Variants in SEMA6D observed in about 807,000 individuals in gnomAD.
SEMA6D encodes semaphorin 6D.
SEMA6D carries 35 observed loss-of-function variants against 106.6 expected under a neutral mutation model. That is an observed-to-expected ratio of 0.33 (90% confidence interval 0.25 to 0.44). The LOEUF is 0.44. Ranked by LOEUF, SEMA6D falls within the 20% of genes least tolerant of loss-of-function variation. The pLI is 1.00. For missense variants in SEMA6D, 1,185 were observed against 1,345.9 expected (o/e 0.88, Z 1.87); for synonymous variants, 499 against 487.7 (o/e 1.02, Z -0.31).
chr15:47,645,104 G>A (rs560229621), intron 4 of SEMA6D, among the ~76,000 whole-genome samples: 11 of 152,248 alleles, frequency 7.2e-5, no homozygotes, highest in East Asian at 1.9e-4. Flanking sequence ...GTGCCGGGGC[G>A]TCATCTGAGA....
At chr15:47,679,224 A>C (rs2084257047) in intron 4 of SEMA6D, among the ~76,000 whole-genome samples, 1 of 152,252 alleles carries the variant, frequency 6.6e-6, no homozygotes, top group Non-Finnish European at 1.5e-5. Flanking sequence ...ATTGAGAATC[A>C]GAAGACCCAG....
At chr15:47,740,843 C>T (rs758887843) in intron 1 of SEMA6D, among the ~76,000 whole-genome samples, 26 of 152,148 alleles carry the variant, frequency 1.7e-4, no homozygotes, top group Non-Finnish European at 1.5e-5. Context: ...GAAGAGGCCT[C>T]TGACCACTGG....
chr15:47,530,468 A>G (rs935126181), intron 3 of SEMA6D, among the ~76,000 whole-genome samples: 1 of 152,248 alleles, frequency 6.6e-6, no homozygotes, highest in Non-Finnish European at 1.5e-5. Flanking sequence ...GACCATTGTC[A>G]TATAAAATAT....
intron 3 of SEMA6D, among the ~76,000 whole-genome samples, chr15:47,541,073 A>C (rs985725142): frequency 6.6e-6 from 1 of 152,144 alleles, no homozygotes; most frequent in African/African-American, 2.4e-5. Context: ...GATGGGCACA[A>C]TACAGAGAGG....
chr15:47,448,633 C>T (rs7163186), intron 2 of SEMA6D, among the ~76,000 whole-genome samples: 39,074 of 152,060 alleles, frequency 0.26, 6,164 homozygotes, highest in East Asian at 0.51. Flanking sequence ...AGGTCCATGG[C>T]GACTCAGTCT....
At chr15:47,422,369 A>G (rs981810542) in intron 2 of SEMA6D, among the ~76,000 whole-genome samples, 1 of 152,072 alleles carries the variant, frequency 6.6e-6, no homozygotes, top group Non-Finnish European at 1.5e-5. Flanking sequence ...GTTAAAACAG[A>G]TAAGTTTCCA....
chr15:47,318,602 A>AT (rs1235862058), intron 1 of SEMA6D, among the ~76,000 whole-genome samples: 1 of 146,110 alleles, frequency 6.8e-6, no homozygotes, highest in East Asian at 2.0e-4. Context: ...TGAACTCATC[A>AT]TTTTTTATGG....
chr15:47,232,836 A>G (rs991934020), intron 1 of SEMA6D, among the ~76,000 whole-genome samples: 1 of 151,876 alleles, frequency 6.6e-6, no homozygotes, highest in African/African-American at 2.4e-5. Flanking sequence ...GTCCTAGACC[A>G]TCATCAGATA....
rs538706679 is a variant in SEMA6D at position 47,526,760 on chromosome 15, G to A, written c.-87+56215G>A. On this transcript the variant is annotated intron_variant, in intron 3 of 19. Transcript: ENST00000558014. ...TTATTATTTTTTTTTTTTCTGAGAC[G>A]GAGTCTCGCACTGTCACCTAGGCTG... is the stretch of plus-strand genomic sequence containing the variant. 7.3e-5 allele frequency among the ~76,000 whole-genome samples: 11 copies of A among 151,620 alleles called. No homozygotes were observed. The East Asian group carries it at 7.7e-4, about 11-fold the overall frequency.
intron 4 of SEMA6D, among the ~76,000 whole-genome samples, chr15:47,605,634 C>G (rs144730742): frequency 6.6e-6 from 1 of 152,294 alleles, no homozygotes; most frequent in Non-Finnish European, 1.5e-5. Context: ...TCCCCGATCC[C>G]CACCAGGCAG....
chr15:47,277,584 T>A (rs987276333), intron 1 of SEMA6D, among the ~76,000 whole-genome samples: 1 of 11,356 alleles, frequency 8.8e-5, no homozygotes, highest in Non-Finnish European at 4.6e-4. Context: ...GTATGTATAT[T>A]ATTATTATTA....
intron 3 of SEMA6D, among the ~76,000 whole-genome samples, chr15:47,520,439 C>T (rs1168702976): frequency 2.0e-5 from 3 of 152,118 alleles, no homozygotes; most frequent in Non-Finnish European, 4.4e-5. Context: ...CATGAGAGAA[C>T]ATAAGATGGA....
At chr15:47,466,732 T>A (rs973752673) in intron 2 of SEMA6D, among the ~76,000 whole-genome samples, 11 of 151,844 alleles carry the variant, frequency 7.2e-5, no homozygotes, top group Middle Eastern at 3.4e-3. Context: ...GTGTGGTTTT[T>A]TTTTTTTTTG....
chr15:47,198,103 C>T (rs1187318503), intron 1 of SEMA6D, among the ~76,000 whole-genome samples: 3 of 151,924 alleles, frequency 2.0e-5, no homozygotes, highest in African/African-American at 7.3e-5. Flanking sequence ...GTGTATATAC[C>T]TCATGATCTC....
Position 47,652,672 on chromosome 15 carries a change from G to A in SEMA6D, c.-55+51776G>A, listed in dbSNP as rs550087524. Among the ~76,000 whole-genome samples the A allele has an allele frequency of 7.2e-5, 11 of 152,260 alleles. No individual in the cohort carries two copies. The East Asian group carries it at 7.7e-4, about 11-fold the overall frequency. ...GGTGCTTGCCATTGCCCAGTGAGAC[G>A]TACAGATTTTACATGTGGCTTGTGC... is the stretch of plus-strand genomic sequence containing the variant. On this transcript the variant is annotated intron_variant, in intron 4 of 19. Transcript: ENST00000558014.
chr15:47,477,765 AT>A (rs1322251478), intron 3 of SEMA6D, among the ~76,000 whole-genome samples: 1 of 152,028 alleles, frequency 6.6e-6, no homozygotes, highest in East Asian at 1.9e-4. Context: ...AGTGTACTTC[AT>A]TGGTAAAGCT....
intron 1 of SEMA6D, among the ~76,000 whole-genome samples, chr15:47,256,828 C>T (rs1234759723): frequency 6.6e-6 from 1 of 151,780 alleles, no homozygotes; most frequent in Non-Finnish European, 1.5e-5. Flanking sequence ...CATTGCACTC[C>T]AGCCTGGGTG....
chr15:47,232,526 GGT>G (rs60261871), intron 1 of SEMA6D, among the ~76,000 whole-genome samples: 78,540 of 147,866 alleles, frequency 0.53, 21,009 homozygotes, highest in Non-Finnish European at 0.59. Flanking sequence ...ATGGGGGGAG[GGT>G]GTGTGTGTGT....
intron 1 of SEMA6D, among the ~76,000 whole-genome samples, chr15:47,190,095 C>T (rs983128836): frequency 6.6e-6 from 1 of 152,168 alleles, no homozygotes; most frequent in Non-Finnish European, 1.5e-5. Context: ...TTTTCACACC[C>T]CTTTTGATCT....
Sources: gnomAD v4.1 joint callset for allele counts (sites outside exome capture counted in the v4.1 genomes callset) on GRCh38, gnomAD v4.1.1 for gene constraint, MANE v1.5 for transcripts, NCBI Gene and HGNC (gene_info 2026-07-23, HGNC 2026-07-21) for gene names.